HERC4: variants seen among roughly 807,000 people sequenced by gnomAD.
HERC4 encodes the protein probable E3 ubiquitin-protein ligase HERC4.
HERC4 carries 28 observed loss-of-function variants against 124.3 expected under a neutral mutation model. The observed-to-expected ratio is 0.23, with a 90% CI of 0.17 to 0.31. HERC4 has a LOEUF of 0.31. Ranked by LOEUF, HERC4 falls within the 10% of genes least tolerant of loss-of-function variation. The pLI is 1.00. For synonymous variants in HERC4, 407 were observed against 421.5 expected (o/e 0.97, Z 0.42); for missense variants, 713 against 1,229.3 (o/e 0.58, Z 6.28).
At chr10:68,000,051 T>C (rs1383442098) in intron 9 of HERC4, among the ~76,000 whole-genome samples, 2 of 151,942 alleles carry the variant, frequency 1.3e-5, no homozygotes, top group East Asian at 3.9e-4. Flanking sequence ...AGAGACAGGG[T>C]CTTGCTATGT....
In HERC4 at chr10:67,932,581, A is replaced by G; in HGVS notation, c.2838+16T>C. On this transcript the variant is annotated intron_variant, in intron 23 of 24. Transcript: ENST00000373700. ...ATCTTTCCATTTAACAATATCAGAG[A>G]TTAGTTTTCCCCTACCTTTTCCAGT... is the stretch of plus-strand genomic sequence containing the variant. The G allele has an allele frequency of 1.3e-6, 2 of 1,588,996 alleles. No homozygotes were observed. The highest frequency in any genetic ancestry group is 1.7e-6 in the Non-Finnish European group (2 of 1,169,238).
chr10:68,054,354 T>TC (rs2040452527), intron 3 of HERC4, among the ~76,000 whole-genome samples: 1 of 151,754 alleles, frequency 6.6e-6, no homozygotes, highest in Admixed American at 6.6e-5. Context: ...TTAATGATTT[T>TC]TTTTTTTTTT....
chr10:68,066,097 CTT>C (rs1010201192), intron 3 of HERC4, among the ~76,000 whole-genome samples: 1 of 152,096 alleles, frequency 6.6e-6, no homozygotes, highest in African/African-American at 2.4e-5. Context: ...CAAATAAACT[CTT>C]ATATAAACAT....
intron 9 of HERC4, chr10:68,010,687 A>C: frequency 6.8e-7 from 1 of 1,479,444 alleles, no homozygotes; most frequent in Non-Finnish European, 9.3e-7. Flanking sequence ...CGCGCCGCTT[A>C]CACATGTTCT....
intron 9 of HERC4, among the ~76,000 whole-genome samples, chr10:67,999,728 T>C (rs2132911065): frequency 6.6e-6 from 1 of 152,336 alleles, no homozygotes. Context: ...GTTTGAGTAA[T>C]GTTTAATTTT....
chr10:67,962,047 T>C (rs576241160), intron 16 of HERC4, among the ~76,000 whole-genome samples: 29 of 152,164 alleles, frequency 1.9e-4, no homozygotes, highest in African/African-American at 6.7e-4. Flanking sequence ...GGGACTTTTT[T>C]TGAAAAAAGA....
At chr10:68,020,325 T>G (rs1225269727) in intron 8 of HERC4, among the ~76,000 whole-genome samples, 1 of 151,570 alleles carries the variant, frequency 6.6e-6, no homozygotes, top group African/African-American at 2.4e-5. Flanking sequence ...CAATAGAAAC[T>G]ATCCCTGAGA....
chr10:67,953,548 G>A (rs1326564501), intron 19 of HERC4, among the ~76,000 whole-genome samples: 1 of 152,104 alleles, frequency 6.6e-6, no homozygotes, highest in African/African-American at 2.4e-5. Flanking sequence ...AACCTTAAGA[G>A]CTCTCCTTGA....
rs542115411 is a variant in HERC4 at position 67,966,997 on chromosome 10, A to G, written c.1807-195T>C. 6.7e-4 allele frequency among the ~76,000 whole-genome samples: 102 copies of G among 152,134 alleles called. 2 individuals carry two copies. The highest frequency in any genetic ancestry group is 4.7e-3 in the Admixed American group (72 of 15,272). ...AGCCTCCTGAGTAGCTGGGACTACA[A>G]GCACCCGCCATCATGACCGGCTAAT... On this transcript the variant is annotated intron_variant, in intron 15 of 24. Coordinates refer to ENST00000373700, the MANE Select transcript of HERC4 (RefSeq NM_015601.4).
In HERC4 at chr10:68,035,255, T is replaced by C. The variant is rs192717925; in HGVS notation, c.464-1069A>G. Among the ~76,000 whole-genome samples, 16 of 151,786 alleles carry C rather than the reference T, an allele frequency of 1.1e-4. No homozygotes were observed. In the East Asian group the frequency reaches 2.7e-3, roughly 26 times the overall value. On this transcript the variant is annotated intron_variant, in intron 5 of 24. Transcript: ENST00000373700. ...GCAACCTCCATCTCCCGGGTTCAAG[T>C]GATTCTCCTGCCTCAGCCTTCTGAG... is the stretch of plus-strand genomic sequence containing the variant.
intron 3 of HERC4, chr10:68,067,016 T>C (rs2041335700): frequency 6.6e-6 from 1 of 152,616 alleles, no homozygotes; most frequent in South Asian, 2.1e-4. Flanking sequence ...AGGAGACTGG[T>C]AGACTCTAAC....
chr10:68,059,459 A>T (rs1274675879), intron 3 of HERC4, among the ~76,000 whole-genome samples: 1 of 83,208 alleles, frequency 1.2e-5, no homozygotes, highest in Non-Finnish European at 2.0e-5. Flanking sequence ...TATATATTAT[A>T]ATAATATTAT....
At chr10:68,045,009 C>T (rs2039948307) in intron 3 of HERC4, among the ~76,000 whole-genome samples, 2 of 152,130 alleles carry the variant, frequency 1.3e-5, no homozygotes, top group Admixed American at 1.3e-4. Context: ...GTATATGCTG[C>T]CATGAAGTGA....
intron 7 of HERC4, among the ~76,000 whole-genome samples, chr10:68,029,709 A>C (rs1444848072): frequency 1.4e-5 from 2 of 147,750 alleles, no homozygotes; most frequent in African/African-American, 2.5e-5. Flanking sequence ...TATTTATATA[A>C]TTTACATATA....
At chr10:67,990,523 G>C (rs1418358446) in intron 13 of HERC4, 123 bp from the exon 14 acceptor site, 4 of 532,792 alleles carry the variant, frequency 7.5e-6, no homozygotes, top group Non-Finnish European at 1.3e-5. Flanking sequence ...CAGCAAATAT[G>C]AAATGGTGAA....
chr10:68,013,943 C>T (rs1021853941), intron 9 of HERC4, 83 bp downstream of exon 9: 8 of 1,173,028 alleles, frequency 6.8e-6, no homozygotes, highest in South Asian at 1.7e-5. Flanking sequence ...GGAATTCTTT[C>T]GCAGAAATCT....
chr10:68,031,526 A>G (rs1251244496), intron 7 of HERC4, among the ~76,000 whole-genome samples: 2 of 152,100 alleles, frequency 1.3e-5, no homozygotes, highest in Non-Finnish European at 2.9e-5. Flanking sequence ...AAAAAAATGA[A>G]ATTACTTTTG....
intron 8 of HERC4, among the ~76,000 whole-genome samples, chr10:68,019,210 G>A (rs2038456788): frequency 6.6e-6 from 1 of 151,866 alleles, no homozygotes; most frequent in Non-Finnish European, 1.5e-5. Context: ...TGGTCAGGCT[G>A]GTCTCAAACT....
At chr10:68,018,127 A>G (rs1364810942) in intron 8 of HERC4, among the ~76,000 whole-genome samples, 1 of 152,170 alleles carries the variant, frequency 6.6e-6, no homozygotes, top group African/African-American at 2.4e-5. Flanking sequence ...AAATATAAGT[A>G]AGAGTCAACA....
Sources: allele counts gnomAD v4.1 joint callset (sites outside exome capture counted in the v4.1 genomes callset), GRCh38; gene constraint gnomAD v4.1.1; transcripts MANE v1.5; gene names NCBI Gene and HGNC (gene_info 2026-07-23, HGNC 2026-07-21).